Variants in PPP1R16A observed in about 807,000 individuals in gnomAD.
PPP1R16A encodes the protein myosin phosphatase-targeting subunit 3.
Under a neutral mutation model 46.6 loss-of-function variants are expected in PPP1R16A, and 39 were observed. The observed-to-expected ratio is 0.84, with a 90% CI of 0.65 to 1.09. The LOEUF (loss-of-function observed/expected upper bound fraction) is 1.09, where lower values mean the gene tolerates loss of function less well. Ranked by LOEUF, PPP1R16A falls within the 50% of genes least tolerant of loss-of-function variation. The pLI is 0.00. For synonymous variants in PPP1R16A, 413 were observed against 321.5 expected (o/e 1.28, Z -3.04); for missense variants, 798 against 735.6 (o/e 1.08, Z -0.98).
chr8:144,499,349 G>A, intron 5 of PPP1R16A: 2 of 467,650 alleles, frequency 4.3e-6, no homozygotes, highest in Non-Finnish European at 7.6e-6. Flanking sequence ...TGGTCAGTGA[G>A]GAGGGCAGAA....
chr8:144,497,429 G>A lies in PPP1R16A; in HGVS notation c.235G>A (p.Ala79Thr), dbSNP rs758715057. ...FPPSVVLLEA[A>T]ARNDLEEVRQ... Reference sequence around the variant, plus strand: ...TCCCAGTGTTGTCCTTCTGGAGGCCGCTGCCCGAAATGACCTGGAAGAAGG... The same window carrying A: ...TCCCAGTGTTGTCCTTCTGGAGGCCACTGCCCGAAATGACCTGGAAGAAGG... Residue 79 changes from alanine (A) to threonine (T), a missense_variant, in exon 3 of 12, where the codon GCT becomes ACT. Physicochemically the swap from Ala to Thr is moderately conservative, Grantham distance 58. Coordinates refer to ENST00000435887, the MANE Select transcript of PPP1R16A (RefSeq NM_001329443.2). 43 of 1,612,834 alleles carry A rather than the reference G, an allele frequency of 2.7e-5. No individual in the cohort carries two copies. The highest frequency in any genetic ancestry group is 1.7e-4 in the Admixed American group (10 of 60,002).
chr8:144,486,790 C>T (rs1217156354), intron 1 of PPP1R16A, among the ~76,000 whole-genome samples: 5 of 152,170 alleles, frequency 3.3e-5, no homozygotes, highest in Admixed American at 6.5e-5. Flanking sequence ...TATTTACTCA[C>T]TCAGTAGCTG....
chr8:144,478,227 G>T (rs1825255856), intron 1 of PPP1R16A, 100 bp downstream of exon 1: 1 of 387,880 alleles, frequency 2.6e-6, no homozygotes, highest in East Asian at 3.7e-5. Flanking sequence ...GGGGCACTGG[G>T]TCGACACCGA....
At chr8:144,486,970 G>A (rs1825646929) in intron 1 of PPP1R16A, among the ~76,000 whole-genome samples, 1 of 152,102 alleles carries the variant, frequency 6.6e-6, no homozygotes, top group Non-Finnish European at 1.5e-5. Flanking sequence ...CACCTGGGGT[G>A]GGGGTCAAGA....
intron 1 of PPP1R16A, among the ~76,000 whole-genome samples, chr8:144,481,426 T>G (rs1030860926): frequency 6.6e-6 from 1 of 151,648 alleles, no homozygotes; most frequent in Non-Finnish European, 1.5e-5. Flanking sequence ...GTGGATCATC[T>G]GAGGTTGGGA....
At chr8:144,491,641 T>C (rs1825813454) in intron 2 of PPP1R16A, among the ~76,000 whole-genome samples, 1 of 151,874 alleles carries the variant, frequency 6.6e-6, no homozygotes, top group Non-Finnish European at 1.5e-5. Flanking sequence ...CAGGCGCCTG[T>C]AGTTCCAGCT....
rs758243896 is a variant in PPP1R16A at position 144,501,236 on chromosome 8, C to T, written c.1145C>T (p.Pro382Leu). 6.2e-6 allele frequency: 10 copies of T among 1,606,042 alleles called. No individual in the cohort carries two copies. The South Asian group carries it at 1.1e-4, about 18-fold the overall frequency. Reference sequence around the variant, plus strand: ...CAGCCGCCGCCCACCAGCCCGGAGCCGCCCGAGGACAACGATGACCGCCAG... The same window carrying T: ...CAGCCGCCGCCCACCAGCCCGGAGCTGCCCGAGGACAACGATGACCGCCAG... ...WQQPPPTSPE[P>L]PEDNDDRQTG... Residue 382 changes from proline to leucine, a missense_variant, in exon 11 of 12, where the codon CCG becomes CTG. Coordinates refer to ENST00000435887, the MANE Select transcript of PPP1R16A (RefSeq NM_001329443.2).
At position 144,497,411 on chromosome 8, in the gene PPP1R16A, G is replaced by A; in HGVS notation, c.217G>A (p.Val73Ile). The change falls in exon 3 of 12, where the codon GTT becomes ATT. Residue 73 changes from valine to isoleucine, a missense_variant. Val to Ile is a conservative substitution (Grantham distance 29). Transcript: ENST00000435887. Reference sequence around the variant, plus strand: ...GAAGCAGGTCCTCTTCCCTCCCAGTGTTGTCCTTCTGGAGGCCGCTGCCCG... The same window carrying A: ...GAAGCAGGTCCTCTTCCCTCCCAGTATTGTCCTTCTGGAGGCCGCTGCCCG... ...LLKQVLFPPSVVLLEAAARND... is the reference protein window; with the variant it reads ...LLKQVLFPPSIVLLEAAARND... 1 of 1,613,056 alleles carries A rather than the reference G, an allele frequency of 6.2e-7. No individual in the cohort carries two copies. The highest frequency in any genetic ancestry group is 8.5e-7 in the Non-Finnish European group (1 of 1,180,026).
intron 1 of PPP1R16A, among the ~76,000 whole-genome samples, chr8:144,480,813 T>C (rs552567483): frequency 4.0e-5 from 6 of 151,834 alleles, no homozygotes; most frequent in African/African-American, 1.2e-4. Flanking sequence ...TCAAACTTTA[T>C]TGAGGTGTAA....
In PPP1R16A at chr8:144,496,681, G is replaced by GCC; in HGVS notation, c.-514_-513insCC. 4.9e-6 allele frequency: 1 copy of GCC among 205,242 alleles called. No individual in the cohort carries two copies. Among genetic ancestry groups the GCC allele is most frequent in the South Asian group, 8.7e-5 (1 of 11,476 alleles). 12.7% of individuals were successfully genotyped at this position (205,242 alleles called of 1,614,324 possible). A position where few individuals can be genotyped will look rare whatever the true frequency, so the allele number is the denominator to read the frequency against. The stretch of plus-strand genomic sequence containing the variant: ...ACAGCTGGGAGGGGTTGGGGGCTGG[G>GCC]TCATGGCTGCTCCCAGGCCCCACCC... On this transcript the variant is annotated 5_prime_UTR_variant, in exon 3 of 12. Transcript: ENST00000435887.
At chr8:144,490,814 G>T (rs1413133920) in intron 2 of PPP1R16A, among the ~76,000 whole-genome samples, 1 of 152,190 alleles carries the variant, frequency 6.6e-6, no homozygotes, top group Non-Finnish European at 1.5e-5. Context: ...CAACACTTTG[G>T]GAGGCTGAGG....
At position 144,501,790 on chromosome 8, in the gene PPP1R16A, AC is replaced by A. The variant is rs1826509068; in HGVS notation, c.1480del (p.Gln494SerfsTer101). 1.3e-6 allele frequency: 2 copies of A among 1,558,554 alleles called. No homozygotes were observed. The highest frequency in any genetic ancestry group is 1.9e-5 in the Admixed American group (1 of 52,520). The stretch of plus-strand genomic sequence containing the variant: ...GCCTGGCCTGCCTGGTGACACGGTG[AC>A]CCCCCAGCCTGACTGTGGCTTCAGG... ...AEPGLPGDTVTPQPDCGFRAG... is the reference protein window; with the variant it reads ...AEPGLPGDTVXPQPDCGFRAG... On this transcript the variant is annotated frameshift_variant, in exon 12 of 12. Coordinates refer to ENST00000435887, the MANE Select transcript of PPP1R16A (RefSeq NM_001329443.2). LOFTEE classifies it low-confidence loss of function (END_TRUNC).
At chr8:144,498,149 C>A (rs752306902) in intron 3 of PPP1R16A, 2 of 447,136 alleles carry the variant, frequency 4.5e-6, no homozygotes, top group Non-Finnish European at 9.1e-6. Flanking sequence ...GGACAGGAGC[C>A]CTCCCGGGAG....
chr8:144,487,362 T>G lies in PPP1R16A; in HGVS notation c.-913-2672T>G, dbSNP rs1045138381. 3.3e-5 allele frequency among the ~76,000 whole-genome samples: 5 copies of G among 151,864 alleles called. No individual in the cohort carries two copies. The East Asian group carries it at 7.8e-4, about 24-fold the overall frequency. On this transcript the variant is annotated intron_variant, in intron 1 of 11. Coordinates refer to ENST00000435887, the MANE Select transcript of PPP1R16A (RefSeq NM_001329443.2). ...ACACATGTGTAGGTTTATTTCTGTTTTGTTTTGGGGACAAAACAAAACAGT... is the reference window on the plus strand; with the variant it reads ...ACACATGTGTAGGTTTATTTCTGTTGTGTTTTGGGGACAAAACAAAACAGT...
At chr8:144,494,250 G>C (rs551389447) in intron 2 of PPP1R16A, among the ~76,000 whole-genome samples, 1 of 151,232 alleles carries the variant, frequency 6.6e-6, no homozygotes, top group Non-Finnish European at 1.5e-5. Flanking sequence ...GGGATTACAG[G>C]TATGAGCCAC....
At chr8:144,499,165 C>A in intron 5 of PPP1R16A, 104 bp downstream of exon 5, 1 of 1,367,406 alleles carries the variant, frequency 7.3e-7, no homozygotes, top group Non-Finnish European at 9.7e-7. Flanking sequence ...TCCTGTGTTC[C>A]CGCCTTCACC....
intron 4 of PPP1R16A, 38 bp downstream of exon 4, chr8:144,498,878 C>T: frequency 1.2e-6 from 2 of 1,612,356 alleles, no homozygotes; most frequent in Non-Finnish European, 1.7e-6. Context: ...TGGGGGCTGG[C>T]CCCCGTGCTC....
chr8:144,480,908 A>C (rs1825386318), intron 1 of PPP1R16A, among the ~76,000 whole-genome samples: 1 of 149,530 alleles, frequency 6.7e-6, no homozygotes, highest in African/African-American at 2.5e-5. Flanking sequence ...TTTTTTTTTG[A>C]CGGAGTCTCA....
chr8:144,498,820 G>A lies in PPP1R16A; in HGVS notation c.310G>A (p.Gly104Ser), dbSNP rs949445720. Residue 104 changes from glycine to serine, a missense_variant, in exon 4 of 12, where the codon GGC becomes AGC. By Grantham distance (56) the Gly-to-Ser change is moderately conservative (BLOSUM62 0). Transcript: ENST00000435887. ...CAGCCCTGACTTGGCCAACGAGGAC[G>A]GCCTGACGGCCCTGCACCAGGTCAG... Reference protein sequence around the residue: ...GVSPDLANEDGLTALHQCCID... With the variant: ...GVSPDLANEDSLTALHQCCID... 8 of 1,606,208 alleles carry A rather than the reference G, an allele frequency of 5.0e-6. No homozygotes were observed. The highest frequency in any genetic ancestry group is 1.7e-4 in the Middle Eastern group (1 of 6,038).
Sources: gnomAD v4.1 joint callset for allele counts (sites outside exome capture counted in the v4.1 genomes callset) on GRCh38, gnomAD v4.1.1 for gene constraint, MANE v1.5 for transcripts, NCBI Gene and HGNC (gene_info 2026-07-23, HGNC 2026-07-21) for gene names.